ODAD2: variants seen among roughly 807,000 people sequenced by gnomAD.
ODAD2 encodes the protein outer dynein arm-docking complex subunit 2.
ODAD2 carries 89 observed loss-of-function variants against 106.8 expected under a neutral mutation model. That is an observed-to-expected ratio of 0.83 (90% CI 0.70 to 0.99). The LOEUF is 0.99. Among genes scored for constraint, ODAD2 ranks in the 50% least tolerant of loss-of-function variants. The probability of loss-of-function intolerance (pLI) is 0.00; values close to 1 mark genes in which losing one functional copy is unlikely to be tolerated. For synonymous variants in ODAD2, 404 were observed against 436.2 expected (o/e 0.93, Z 0.92); for missense variants, 1,168 against 1,238.5 (o/e 0.94, Z 0.85).
At chr10:27,946,642 A>T (rs913493463) in intron 10 of ODAD2, among the ~76,000 whole-genome samples, 7 of 152,110 alleles carry the variant, frequency 4.6e-5, no homozygotes, top group African/African-American at 1.7e-4. Flanking sequence ...ATCTCACTGT[A>T]TTTTGTACCT....
At chr10:27,946,871 T>C (rs1846970766) in intron 10 of ODAD2, among the ~76,000 whole-genome samples, 1 of 152,214 alleles carries the variant, frequency 6.6e-6, no homozygotes, top group African/African-American at 2.4e-5. Context: ...CAGAAAGATT[T>C]AGATGTCAGC....
chr10:27,852,314 CA>C (rs1839316292), intron 19 of ODAD2, among the ~76,000 whole-genome samples: 1 of 152,076 alleles, frequency 6.6e-6, no homozygotes, highest in South Asian at 2.1e-4. Flanking sequence ...CTGGGAAAGA[CA>C]ATTGTTTACA....
chr10:27,828,584 G>C (rs1445857894), intron 19 of ODAD2, among the ~76,000 whole-genome samples: 1 of 152,106 alleles, frequency 6.6e-6, no homozygotes, highest in Non-Finnish European at 1.5e-5. Context: ...ATCCATCTGA[G>C]TAATATCCCT....
chr10:27,932,351 A>G (rs1472545936), intron 16 of ODAD2, among the ~76,000 whole-genome samples: 1 of 152,212 alleles, frequency 6.6e-6, no homozygotes, highest in Admixed American at 6.5e-5. Flanking sequence ...TTGTAGAGGT[A>G]CTTGAAGTAT....
chr10:27,887,657 A>G (rs1242226745), intron 17 of ODAD2, among the ~76,000 whole-genome samples: 1 of 152,050 alleles, frequency 6.6e-6, no homozygotes, highest in African/African-American at 2.4e-5. Context: ...ATAAAAATAG[A>G]AATTTGCAGC....
At chr10:27,958,106 T>C (rs1261291491) in intron 10 of ODAD2, among the ~76,000 whole-genome samples, 1 of 152,212 alleles carries the variant, frequency 6.6e-6, no homozygotes, top group Non-Finnish European at 1.5e-5. Flanking sequence ...TACTTTTCCT[T>C]TTATTGGCTA....
intron 9 of ODAD2, among the ~76,000 whole-genome samples, chr10:27,962,271 A>G (rs1848193161): frequency 6.6e-6 from 1 of 152,230 alleles, no homozygotes; most frequent in African/African-American, 2.4e-5. Context: ...CAGGTATTTG[A>G]ACTTATTTAT....
intron 17 of ODAD2, among the ~76,000 whole-genome samples, chr10:27,863,325 A>G (rs1370645798): frequency 6.6e-6 from 1 of 152,156 alleles, no homozygotes; most frequent in Non-Finnish European, 1.5e-5. Context: ...AAATCCAAAA[A>G]TTATGGCACT....
chr10:27,823,024 ACTTT>A (rs974435809), intron 19 of ODAD2, among the ~76,000 whole-genome samples: 1 of 152,188 alleles, frequency 6.6e-6, no homozygotes, highest in Non-Finnish European at 1.5e-5. Flanking sequence ...AGCCCTATTG[ACTTT>A]CTTCTAAAAA....
chr10:27,831,994 ACT>A (rs1473269716), intron 19 of ODAD2, among the ~76,000 whole-genome samples: 1 of 152,166 alleles, frequency 6.6e-6, no homozygotes, highest in Non-Finnish European at 1.5e-5. Context: ...ACAACATTGG[ACT>A]CACAGTCAAG....
chr10:27,910,069 CTT>C lies in ODAD2; in HGVS notation c.2496-2294_2496-2293del, dbSNP rs369919469. Reference sequence around the variant, plus strand: ...TCTATTTTAGCACCCAAATCCCAGTCTTTACCATTTCATATCAGGATCGTTGT... The same window carrying C: ...TCTATTTTAGCACCCAAATCCCAGTCTACCATTTCATATCAGGATCGTTGT... On this transcript the variant is annotated intron_variant, in intron 16 of 19. Coordinates refer to ENST00000305242, the MANE Select transcript of ODAD2 (RefSeq NM_018076.5). 4.4e-3 allele frequency among the ~76,000 whole-genome samples: 673 copies of C among 152,096 alleles called. 3 individuals are homozygous for C. Among genetic ancestry groups the C allele is most frequent in the African/African-American group, 0.016 (652 of 41,416 alleles).
Position 27,907,663 on chromosome 10 carries a change from C to T in ODAD2, c.2610G>A (p.Lys870=). The part of the protein sequence containing the change: ...WALCPCIKNA[K]DAGEMVRSFV... ...AGACTGACTTGCAGTCCGTTCTTAC[C>T]TTTGCATTTTTGATGCATGGACAGA... The change falls in exon 17 of 20, where the codon AAG becomes AAA. Residue 870 remains lysine (K), a splice_region_variant and synonymous_variant. Transcript: ENST00000305242. The T allele has an allele frequency of 6.2e-7, 1 of 1,610,856 alleles. No homozygotes were observed. The highest frequency in any genetic ancestry group is 1.1e-5 in the South Asian group (1 of 90,976).
At chr10:27,965,274 A>T (rs61160388) in intron 9 of ODAD2, among the ~76,000 whole-genome samples, 12,603 of 152,180 alleles carry the variant, frequency 0.083, 1,552 homozygotes, top group African/African-American at 0.27. Context: ...TAAAGAGGAG[A>T]TTTCTGCCTA....
At chr10:27,931,063 G>A (rs1433625594) in intron 16 of ODAD2, among the ~76,000 whole-genome samples, 2 of 151,896 alleles carry the variant, frequency 1.3e-5, no homozygotes, top group Non-Finnish European at 2.9e-5. Context: ...GGTCTCTGAT[G>A]GCAAAGTCTT....
intron 19 of ODAD2, among the ~76,000 whole-genome samples, chr10:27,827,262 C>T (rs1177020610): frequency 9.9e-5 from 15 of 151,590 alleles, no homozygotes; most frequent in Admixed American, 8.5e-4. Flanking sequence ...ATTTTTTTGT[C>T]TATACACCCT....
At chr10:27,938,851 C>T (rs1476188055) in intron 14 of ODAD2, among the ~76,000 whole-genome samples, 1 of 152,114 alleles carries the variant, frequency 6.6e-6, no homozygotes, top group African/African-American at 2.4e-5. Flanking sequence ...TCGCCCATCT[C>T]AGCCTCCCAA....
intron 1 of ODAD2, among the ~76,000 whole-genome samples, chr10:27,996,322 T>C (rs1209554790): frequency 6.6e-6 from 1 of 152,178 alleles, no homozygotes; most frequent in East Asian, 1.9e-4. Flanking sequence ...TTACATTCTG[T>C]ACTGTATTAA....
At chr10:27,828,853 C>A (rs780668501) in intron 19 of ODAD2, among the ~76,000 whole-genome samples, 7 of 152,100 alleles carry the variant, frequency 4.6e-5, no homozygotes, top group Non-Finnish European at 1.0e-4. Flanking sequence ...ACTGAGAATT[C>A]TCTAAATTAT....
At chr10:27,890,645 G>A (rs1842495621) in intron 17 of ODAD2, among the ~76,000 whole-genome samples, 1 of 151,974 alleles carries the variant, frequency 6.6e-6, no homozygotes. Context: ...GAGGAGAAAG[G>A]AAAGTGATAG....
Sources: allele counts gnomAD v4.1 joint callset (sites outside exome capture counted in the v4.1 genomes callset), GRCh38; gene constraint gnomAD v4.1.1; transcripts MANE v1.5; gene names NCBI Gene and HGNC (gene_info 2026-07-23, HGNC 2026-07-21).